RASGRP3: variants seen among roughly 807,000 people sequenced by gnomAD.
The protein encoded by RASGRP3 is RAS guanyl releasing protein 3.
A neutral mutation model predicts 82.7 loss-of-function variants in RASGRP3; 54 were observed. That is an observed-to-expected ratio of 0.65 (90% CI 0.52 to 0.82). RASGRP3 has a LOEUF of 0.82. Ranked by LOEUF, RASGRP3 falls within the 40% of genes least tolerant of loss-of-function variation. The pLI is 0.00. For synonymous variants in RASGRP3, 309 were observed against 300.5 expected (o/e 1.03, Z -0.29); for missense variants, 861 against 828.9 (o/e 1.04, Z -0.48).
At chr2:33,538,933 G>C (rs142218534) in intron 11 of RASGRP3, among the ~76,000 whole-genome samples, 161 bp from the exon 12 acceptor site, 2,797 of 152,240 alleles carry the variant, frequency 0.018, 85 homozygotes, top group African/African-American at 0.064. Flanking sequence ...TAGATACTTG[G>C]GAGGCTGAGG....
intron 1 of RASGRP3, among the ~76,000 whole-genome samples, chr2:33,484,536 AT>A (rs1436130112): frequency 2.3e-3 from 332 of 145,530 alleles, no homozygotes; most frequent in African/African-American, 4.0e-3. Flanking sequence ...TTTAGAGATC[AT>A]TTTTTTTTTT....
At chr2:33,482,318 C>T (rs1668013504) in intron 1 of RASGRP3, 1 of 152,172 alleles carries the variant, frequency 6.6e-6, no homozygotes, top group South Asian at 2.1e-4. Context: ...CGGGCCGCAG[C>T]TTAGGGTAAT....
intron 2 of RASGRP3, among the ~76,000 whole-genome samples, chr2:33,453,900 G>T (rs13396531): frequency 0.11 from 17,355 of 152,028 alleles, 1,418 homozygotes; most frequent in South Asian, 0.27. Context: ...AAAAGTGGGG[G>T]TTTTTTTGGG....
Position 33,462,620 on chromosome 2 carries a change from C to G in RASGRP3, c.-261+14677C>G, listed in dbSNP as rs1056845733. ...TTCAAACTCCTGACCTCAGGTGATT[C>G]ACCCGCCTCAGCCTCCCAAAGTACT... On this transcript the variant is annotated intron_variant, in intron 2 of 18. Transcript: ENST00000402538. 5.3e-5 allele frequency among the ~76,000 whole-genome samples: 8 copies of G among 152,258 alleles called. No individual in the cohort carries two copies. In the East Asian group the frequency reaches 1.5e-3, roughly 29 times the overall value.
At position 33,454,867 on chromosome 2, in the gene RASGRP3, A is replaced by G. The variant is rs149009142; in HGVS notation, c.-261+6924A>G. ...CACAGAAAAAGGATTTTCTGGTTCT[A>G]TGTCCTAAAAATTTGGGGAAGGGAG... On this transcript the variant is annotated intron_variant, in intron 2 of 18. Transcript: ENST00000402538. 1.5e-3 allele frequency among the ~76,000 whole-genome samples: 229 copies of G among 152,348 alleles called. 2 individuals are homozygous for G. Among genetic ancestry groups the G allele is most frequent in the African/African-American group, 5.2e-3 (215 of 41,584 alleles).
chr2:33,468,367 G>A (rs779347500), intron 2 of RASGRP3, among the ~76,000 whole-genome samples: 2 of 151,894 alleles, frequency 1.3e-5, no homozygotes, highest in South Asian at 2.1e-4. Context: ...TCACTTAATC[G>A]ATGCTGAATA....
At chr2:33,443,036 A>G (rs1328363276) in intron 1 of RASGRP3, among the ~76,000 whole-genome samples, 1 of 152,170 alleles carries the variant, frequency 6.6e-6, no homozygotes, top group Non-Finnish European at 1.5e-5. Flanking sequence ...GTCAGTGTGA[A>G]CGCCTCCCTG....
At chr2:33,471,266 C>G (rs1486478888) in intron 2 of RASGRP3, among the ~76,000 whole-genome samples, 1 of 151,934 alleles carries the variant, frequency 6.6e-6, no homozygotes, top group Non-Finnish European at 1.5e-5. Context: ...GCTTTGATCC[C>G]CTAGGCTCAA....
intron 1 of RASGRP3, among the ~76,000 whole-genome samples, chr2:33,486,271 C>A (rs1668370241): frequency 6.6e-6 from 1 of 151,482 alleles, no homozygotes; most frequent in African/African-American, 2.4e-5. Flanking sequence ...TCAAGCGATT[C>A]TCCTGCCTCA....
At chr2:33,450,832 T>C (rs1665756584) in intron 2 of RASGRP3, among the ~76,000 whole-genome samples, 2 of 60,130 alleles carry the variant, frequency 3.3e-5, no homozygotes, top group African/African-American at 1.8e-4. Context: ...CTTTTTTTTT[T>C]TTTTTTTTTT....
Position 33,562,953 on chromosome 2 carries a change from C to A in RASGRP3, c.*216C>A. On this transcript the variant is annotated 3_prime_UTR_variant, in exon 18 of 18. Transcript: ENST00000403687. ...ACTATTTATTTCCTCCTCCCCTACC[C>A]CTAGTTAAGTGCCACAAAGACTGTG... The A allele has an allele frequency of 3.2e-6, 2 of 621,532 alleles. No individual in the cohort carries two copies. The highest frequency in any genetic ancestry group is 2.0e-5 in the South Asian group (1 of 49,172). The allele number at this position is 621,532 out of a possible 1,614,324, so 38.5% of individuals were successfully genotyped here. A position where few individuals can be genotyped will look rare whatever the true frequency, so the allele number is the denominator to read the frequency against.
upstream of RASGRP3, chr2:33,476,141 CACCT>C (rs1482093708): frequency 1.3e-5 from 2 of 152,314 alleles, no homozygotes; most frequent in Non-Finnish European, 2.9e-5. Flanking sequence ...CAGCACCAGC[CACCT>C]AGTCAGGCTT....
chr2:33,451,521 G>C (rs1228026702), intron 2 of RASGRP3, among the ~76,000 whole-genome samples: 2 of 152,120 alleles, frequency 1.3e-5, no homozygotes, highest in Non-Finnish European at 2.9e-5. Flanking sequence ...ATCTTTTCTT[G>C]TAGTAGTTTT....
intron 17 of RASGRP3, among the ~76,000 whole-genome samples, chr2:33,561,446 G>C (rs772567282): frequency 2.0e-5 from 3 of 152,064 alleles, no homozygotes; most frequent in African/African-American, 7.2e-5. Context: ...AATGAAGGAC[G>C]TATGCTCTTA....
intron 2 of RASGRP3, among the ~76,000 whole-genome samples, chr2:33,463,592 C>CTT (rs56748259): frequency 5.2e-3 from 363 of 70,204 alleles, no homozygotes; most frequent in African/African-American, 7.3e-3. Context: ...CTCCTTCACT[C>CTT]TTTTTTTTTT....
At chr2:33,556,890 T>TACACACACACACACAC (rs58614411) in intron 15 of RASGRP3, among the ~76,000 whole-genome samples, 27 of 130,866 alleles carry the variant, frequency 2.1e-4, no homozygotes, top group East Asian at 4.3e-4. Context: ...TACCCTAAAA[T>TACACACACACACACAC]ACACACACAC....
At chr2:33,558,140 C>G in intron 15 of RASGRP3, 71 bp from the exon 16 acceptor site, 1 of 1,555,340 alleles carries the variant, frequency 6.4e-7, no homozygotes, top group Non-Finnish European at 8.7e-7. Context: ...GCTGACAAAT[C>G]AAGTGCCACC....
intron 1 of RASGRP3, among the ~76,000 whole-genome samples, chr2:33,439,158 A>T (rs969392013): frequency 5.9e-5 from 9 of 152,214 alleles, no homozygotes; most frequent in African/African-American, 2.2e-4. Flanking sequence ...CCACACCATG[A>T]ACACCTATTT....
chr2:33,448,195 A>G (rs556115798), intron 2 of RASGRP3, among the ~76,000 whole-genome samples: 1 of 152,326 alleles, frequency 6.6e-6, no homozygotes, highest in South Asian at 2.1e-4. Context: ...TTTCTTATAT[A>G]TTTAATCCCA....
Sources: gnomAD v4.1 joint callset for allele counts (sites outside exome capture counted in the v4.1 genomes callset) on GRCh38, gnomAD v4.1.1 for gene constraint, MANE v1.5 for transcripts, NCBI Gene and HGNC (gene_info 2026-07-23, HGNC 2026-07-21) for gene names.